LIN28B: variants seen among roughly 807,000 people sequenced by gnomAD.
The protein encoded by LIN28B is protein lin-28 homolog B.
Under a neutral mutation model 21.9 loss-of-function variants are expected in LIN28B, and 5 were observed. That is an observed-to-expected ratio of 0.23 (90% CI 0.12 to 0.48). The LOEUF (loss-of-function observed/expected upper bound fraction) is 0.48. LIN28B is among the 20% of genes least tolerant of loss of function. The pLI is 0.98. For missense variants in LIN28B, 245 were observed against 310.5 expected (o/e 0.79, Z 1.58); for synonymous variants, 109 against 111.3 (o/e 0.98, Z 0.13).
chr6:105,063,639 G>GC (rs1488662665), intron 3 of LIN28B, among the ~76,000 whole-genome samples: 2 of 133,668 alleles, frequency 1.5e-5, no homozygotes, highest in African/African-American at 3.4e-5. Context: ...CCATCTCGGG[G>GC]GGGGGGGGGA....
intron 2 of LIN28B, among the ~76,000 whole-genome samples, chr6:105,003,790 C>T (rs531522755): frequency 1.1e-3 from 174 of 152,210 alleles, no homozygotes; most frequent in Non-Finnish European, 1.9e-3. Context: ...GGATTACAGG[C>T]GTGAGCCACT....
intron 2 of LIN28B, among the ~76,000 whole-genome samples, chr6:104,975,954 T>C (rs4946652): frequency 0.5 from 75,807 of 151,226 alleles, 20,236 homozygotes; most frequent in East Asian, 0.69. Flanking sequence ...AGTGCTGAGA[T>C]TACAGGCATG....
intron 2 of LIN28B, among the ~76,000 whole-genome samples, chr6:104,981,614 T>A (rs762382641): frequency 1.2e-4 from 18 of 152,220 alleles, no homozygotes; most frequent in Non-Finnish European, 2.4e-4. Flanking sequence ...TGTGTATACT[T>A]GTACAGTGCG....
chr6:105,023,944 G>C (rs1167038003), intron 2 of LIN28B, among the ~76,000 whole-genome samples: 1 of 151,446 alleles, frequency 6.6e-6, no homozygotes, highest in Non-Finnish European at 1.5e-5. Context: ...GTGCACTTAA[G>C]AGCTATGAGG....
At position 105,017,072 on chromosome 6, in the gene LIN28B, CAAAA is replaced by C. The variant is rs56179020; in HGVS notation, c.199-9208_199-9205del. The stretch of plus-strand genomic sequence containing the variant: ...TGAGTGACAAAGCAAGACTCTGTCT[CAAAA>C]AAAAAAAAAAAAAAAAAGAAAGATA... On this transcript the variant is annotated intron_variant, in intron 2 of 3. Transcript: ENST00000345080. 1.6e-4 allele frequency among the ~76,000 whole-genome samples: 14 copies of C among 86,030 alleles called. No homozygotes were observed. The South Asian group carries it at 2.9e-3, about 18-fold the overall frequency. The allele number at this position is 86,030 out of a possible 152,430, so 56.4% of individuals were successfully genotyped here. A position where few individuals can be genotyped will look rare whatever the true frequency, so the allele number is the denominator to read the frequency against.
intron 2 of LIN28B, among the ~76,000 whole-genome samples, chr6:104,967,576 C>CAAAAAAAAAAAAAA (rs71003462): frequency 1.6e-5 from 1 of 60,736 alleles, no homozygotes; most frequent in Non-Finnish European, 2.9e-5. Flanking sequence ...AACTCCCTCT[C>CAAAAAAAAAAAAAA]AAAAAAAAAA....
chr6:104,955,263 T>C (rs1251177714), upstream of LIN28B, among the ~76,000 whole-genome samples: 1 of 152,210 alleles, frequency 6.6e-6, no homozygotes, highest in Non-Finnish European at 1.5e-5. Flanking sequence ...AATAATTTTT[T>C]CAGAGCTTTG....
chr6:105,002,721 T>C (rs1770743364), intron 2 of LIN28B, among the ~76,000 whole-genome samples: 2 of 152,184 alleles, frequency 1.3e-5, no homozygotes, highest in Admixed American at 1.3e-4. Flanking sequence ...GCTTTCAAAG[T>C]GTAAGTATAT....
intron 2 of LIN28B, among the ~76,000 whole-genome samples, chr6:104,946,258 C>T (rs1778155411): frequency 6.6e-6 from 1 of 152,012 alleles, no homozygotes; most frequent in Non-Finnish European, 1.5e-5. Flanking sequence ...AACTATTTCT[C>T]TTACTTTTAA....
intron 2 of LIN28B, among the ~76,000 whole-genome samples, chr6:104,938,884 G>A (rs1778046636): frequency 6.6e-6 from 1 of 151,890 alleles, no homozygotes; most frequent in African/African-American, 2.4e-5. Context: ...TAACTAGTTT[G>A]AAATCAAAAA....
At chr6:105,042,023 A>T (rs1225569596) in intron 3 of LIN28B, among the ~76,000 whole-genome samples, 1 of 152,174 alleles carries the variant, frequency 6.6e-6, no homozygotes, top group Non-Finnish European at 1.5e-5. Flanking sequence ...AGCAATTCTC[A>T]CAAAAGTTCA....
upstream of LIN28B, among the ~76,000 whole-genome samples, chr6:104,953,131 G>GGA (rs1778240136): frequency 6.6e-6 from 1 of 152,332 alleles, no homozygotes; most frequent in East Asian, 1.9e-4. Flanking sequence ...CTTTCAGGCG[G>GGA]GAGAGATCTT....
intron 2 of LIN28B, among the ~76,000 whole-genome samples, chr6:104,965,618 C>T (rs1295430101): frequency 6.6e-6 from 1 of 152,160 alleles, no homozygotes; most frequent in African/African-American, 2.4e-5. Context: ...ACTTCCTGGG[C>T]TCAAGTGATC....
intron 3 of LIN28B, among the ~76,000 whole-genome samples, chr6:105,045,966 TA>T (rs1373113412): frequency 6.6e-6 from 1 of 152,230 alleles, no homozygotes; most frequent in Non-Finnish European, 1.5e-5. Flanking sequence ...TTTCATATGA[TA>T]TTTTTATAGT....
intron 2 of LIN28B, among the ~76,000 whole-genome samples, chr6:104,973,983 A>T (rs1770030759): frequency 6.6e-6 from 1 of 152,194 alleles, no homozygotes; most frequent in African/African-American, 2.4e-5. Flanking sequence ...GTATATATGA[A>T]ATGTTTTACT....
chr6:104,964,422 T>C (rs1267818480), intron 2 of LIN28B, among the ~76,000 whole-genome samples: 1 of 152,236 alleles, frequency 6.6e-6, no homozygotes, highest in East Asian at 1.9e-4. Flanking sequence ...TTAAATGTTA[T>C]ATTCTATAGA....
intron 3 of LIN28B, among the ~76,000 whole-genome samples, chr6:105,069,150 G>A (rs1231040358): frequency 6.6e-6 from 1 of 152,120 alleles, no homozygotes; most frequent in Non-Finnish European, 1.5e-5. Flanking sequence ...CCTGGGAGGT[G>A]GAGGTTGCAG....
chr6:105,010,202 A>C (rs551158999), intron 2 of LIN28B, among the ~76,000 whole-genome samples: 27 of 152,066 alleles, frequency 1.8e-4, no homozygotes, highest in African/African-American at 4.3e-4. Flanking sequence ...CAAAAAAAAA[A>C]ACACACAAAA....
chr6:104,984,326 A>G (rs1226374922), intron 2 of LIN28B, among the ~76,000 whole-genome samples: 4 of 152,264 alleles, frequency 2.6e-5, no homozygotes, highest in Admixed American at 2.0e-4. Flanking sequence ...AATAATAAAC[A>G]TACAGTAGTC....
Sources: allele counts gnomAD v4.1 joint callset (sites outside exome capture counted in the v4.1 genomes callset), GRCh38; gene constraint gnomAD v4.1.1; transcripts MANE v1.5; gene names NCBI Gene and HGNC (gene_info 2026-07-23, HGNC 2026-07-21).